ZNF367: variants seen among roughly 807,000 people sequenced by gnomAD.
ZNF367 encodes the protein C2H2 zinc finger protein ZFF29.
A neutral mutation model predicts 31.8 loss-of-function variants in ZNF367; 11 were observed. That is an observed-to-expected ratio of 0.35 (90% CI 0.22 to 0.57). The LOEUF (loss-of-function observed/expected upper bound fraction) is 0.57. Ranked by LOEUF, ZNF367 falls within the 20% of genes least tolerant of loss-of-function variation. ZNF367 has a pLI of 0.85. For synonymous variants in ZNF367, 199 were observed against 202.4 expected, an observed-to-expected ratio of 0.98 and a Z score of 0.14; for missense variants, 353 against 484.1, an observed-to-expected ratio of 0.73 and a Z score of 2.54.
intron 1 of ZNF367, chr9:96,407,210 G>C: frequency 1.3e-6 from 1 of 744,074 alleles, no homozygotes; most frequent in Non-Finnish European, 2.4e-6. Flanking sequence ...TGGGCTTGTG[G>C]GTCTTTGAGA....
Position 96,417,563 on chromosome 9 carries a change from G to C in ZNF367, c.420+50C>G. 1 of 347,824 alleles carries C rather than the reference G, an allele frequency of 2.9e-6. No individual in the cohort carries two copies. Among genetic ancestry groups the C allele is most frequent in the Non-Finnish European group, 5.0e-6 (1 of 199,528 alleles). 21.5% of individuals were successfully genotyped at this position (347,824 alleles called of 1,614,324 possible). ...CCGCCCCGCCCGCCGCACCGTTAAC[G>C]GGCCCCGGCTGCCCCACGTCCCGCC... On this transcript the variant is annotated intron_variant, in intron 1 of 4. Transcript: ENST00000375256. This position sits in a 1 kb window ranked among gnomAD's most constrained non-coding sequence, Gnocchi z 5.0.
chr9:96,414,650 G>A (rs1479952378), intron 1 of ZNF367, among the ~76,000 whole-genome samples: 1 of 152,052 alleles, frequency 6.6e-6, no homozygotes, highest in Non-Finnish European at 1.5e-5. Context: ...GGTAATTTTT[G>A]TATTTTTAGT....
chr9:96,418,075 C>G lies in ZNF367; in HGVS notation c.-43G>C. The G allele has an allele frequency of 7.5e-7, 1 of 1,338,560 alleles. No homozygotes were observed. Among genetic ancestry groups the G allele is most frequent in the Non-Finnish European group, 9.5e-7 (1 of 1,048,700 alleles). The allele number at this position is 1,338,560 out of a possible 1,614,324, so 82.9% of individuals were successfully genotyped here. ...AGCTCCGGCGGCCCCGGGCCGCACT[C>G]CTGAGCACCGCTCTGCCCCTCACTC... On this transcript the variant is annotated 5_prime_UTR_variant, in exon 1 of 5. Transcript: ENST00000375256.
intron 4 of ZNF367, among the ~76,000 whole-genome samples, chr9:96,392,060 G>A (rs185879421): frequency 1.4e-4 from 22 of 152,258 alleles, no homozygotes; most frequent in Middle Eastern, 3.4e-3. Context: ...TAATTGGCAC[G>A]TAGCTAAGGC....
At chr9:96,401,620 G>A (rs549626262) in intron 1 of ZNF367, among the ~76,000 whole-genome samples, 1 of 140,730 alleles carries the variant, frequency 7.1e-6, no homozygotes, top group East Asian at 2.1e-4. Context: ...TCGCACCATT[G>A]CACTCCAGCC....
chr9:96,415,116 A>T (rs1006899803), intron 1 of ZNF367, among the ~76,000 whole-genome samples: 1 of 147,398 alleles, frequency 6.8e-6, no homozygotes, highest in Non-Finnish European at 1.5e-5. Flanking sequence ...GTGCAGTGGC[A>T]CGATCTCGGC....
At chr9:96,393,753 C>T (rs748111771) in intron 3 of ZNF367, among the ~76,000 whole-genome samples, 21 of 152,156 alleles carry the variant, frequency 1.4e-4, no homozygotes, top group Non-Finnish European at 2.6e-4. Context: ...ATCGCTTGAA[C>T]CCAGGAGGCG....
In ZNF367 at chr9:96,400,552, C is replaced by CA. The variant is rs1236136690; in HGVS notation, c.421-2239dup. On this transcript the variant is annotated intron_variant, in intron 1 of 4. Coordinates refer to ENST00000375256, the MANE Select transcript of ZNF367 (RefSeq NM_153695.4). ...TGAAACATACAATAACTAAAACAAA[C>CA]AAAAAAAAAACTTCACTAGAGGATT... Among the ~76,000 whole-genome samples, 634 of 146,356 alleles carry CA rather than the reference C, an allele frequency of 4.3e-3. 13 individuals carry two copies. Among genetic ancestry groups the CA allele is most frequent in the Admixed American group, 0.023 (344 of 14,700 alleles).
intron 1 of ZNF367, among the ~76,000 whole-genome samples, chr9:96,404,720 A>C (rs187855239): frequency 8.3e-4 from 127 of 152,266 alleles, no homozygotes; most frequent in African/African-American, 2.8e-3. Context: ...GGATTCTTAG[A>C]TATGGCACCA....
intron 1 of ZNF367, among the ~76,000 whole-genome samples, chr9:96,406,950 C>T (rs949561990): frequency 1.4e-5 from 2 of 138,744 alleles, no homozygotes; most frequent in East Asian, 2.1e-4. Flanking sequence ...TGCAGTCAGC[C>T]GAGATCGCAC....
rs1176452343 is a variant in ZNF367 at position 96,417,340 on chromosome 9, T to C, written c.420+273A>G. Among the ~76,000 whole-genome samples the C allele has an allele frequency of 6.6e-6, 1 of 152,052 alleles. No homozygotes were observed. The highest frequency in any genetic ancestry group is 6.6e-5 in the Admixed American group (1 of 15,264). Reference sequence around the variant, plus strand: ...CCCGCCGGGAGGATGTCAGTGGCCGTTGACCCGGCCTCCCCAGCGACCCCG... The same window carrying C: ...CCCGCCGGGAGGATGTCAGTGGCCGCTGACCCGGCCTCCCCAGCGACCCCG... On this transcript the variant is annotated intron_variant, in intron 1 of 4. Transcript: ENST00000375256. The surrounding 1 kb of genome is among the most constrained non-coding windows in gnomAD (Gnocchi z 5.0).
In ZNF367 at chr9:96,417,766, G is replaced by A. The variant is rs1473045693; in HGVS notation, c.267C>T (p.Ala89=). ...CTGCAGGCAGGGCGGCCGAGGCGGC[G>A]GCCCCCGCGGCCCCAGGGCTGAGCG... ...NVTLSPGAAG[A]AASAALPAAA... Residue 89 remains alanine, a synonymous_variant, in exon 1 of 5, where the codon GCC becomes GCT. Transcript: ENST00000375256. The surrounding 1 kb of genome is among the most constrained non-coding windows in gnomAD (Gnocchi z 5.0). The A allele has an allele frequency of 2.4e-6, 3 of 1,239,160 alleles. No homozygotes were observed. Among genetic ancestry groups the A allele is most frequent in the Admixed American group, 4.2e-5 (1 of 23,750 alleles). 76.8% of individuals were successfully genotyped at this position (1,239,160 alleles called of 1,614,324 possible).
chr9:96,407,224 G>A (rs762872199), intron 1 of ZNF367: 2 of 871,924 alleles, frequency 2.3e-6, no homozygotes, highest in Non-Finnish European at 3.7e-6. Context: ...TTTGAGACCC[G>A]AAAATTGAGA....
Position 96,417,582 on chromosome 9 carries a change from T to TCCCG in ZNF367, c.420+27_420+30dup, listed in dbSNP as rs746476113. ...GTTAACGGGCCCCGGCTGCCCCACG[T>TCCCG]CCCGCCCGCCCGCCCGCCCGCGCCG... On this transcript the variant is annotated intron_variant, in intron 1 of 4. Coordinates refer to ENST00000375256, the MANE Select transcript of ZNF367 (RefSeq NM_153695.4). The surrounding 1 kb of genome is among the most constrained non-coding windows in gnomAD (Gnocchi z 5.0). 1.4e-4 allele frequency: 57 copies of TCCCG among 417,918 alleles called. No individual in the cohort carries two copies. The Middle Eastern group carries it at 2.8e-3, about 20-fold the overall frequency. The allele number at this position is 417,918 out of a possible 1,614,324, so 25.9% of individuals were successfully genotyped here.
In ZNF367 at chr9:96,388,413, G is replaced by C. The variant is rs1229499952; in HGVS notation, c.877C>G (p.Leu293Val). 2 of 1,613,892 alleles carry C rather than the reference G, an allele frequency of 1.2e-6. No individual in the cohort carries two copies. The highest frequency in any genetic ancestry group is 2.7e-5 in the African/African-American group (2 of 74,936). The stretch of plus-strand genomic sequence containing the variant: ...TGCTCCTGATCAGCCTTCTGAACCA[G>C]CTTGCCTTTCAAAGTGGGGGTGCGC... ...EQRTPTLKGK[L>V]VQKADQEQQD... Residue 293 changes from leucine to valine, a missense_variant, in exon 5 of 5, where the codon CTG (leucine) becomes GTG (valine). Transcript: ENST00000375256.
rs1173197303 is a variant in ZNF367 at position 96,386,540 on chromosome 9, C to G, written c.*1697G>C. On this transcript the variant is annotated 3_prime_UTR_variant, in exon 5 of 5. Coordinates refer to ENST00000375256, the MANE Select transcript of ZNF367 (RefSeq NM_153695.4). ...CTTATAAGTGCTCCAAATTAAAATT[C>G]TATATACCACATTACAAAAAAATTC... 6.6e-6 allele frequency: 1 copy of G among 152,016 alleles called. No individual in the cohort carries two copies. The allele number at this position is 152,016 out of a possible 1,614,324, so 9.4% of individuals were successfully genotyped here. A position where few individuals can be genotyped will look rare whatever the true frequency, so the allele number is the denominator to read the frequency against.
chr9:96,418,335 G>A lies in ZNF367; in HGVS notation c.-303C>T, dbSNP rs138676684. On this transcript the variant is annotated 5_prime_UTR_variant, in exon 1 of 5. Transcript: ENST00000375256. ...GTGACAGGAAAGCAGGACGCGCGGCGCTGAGCCCCCAAAAATAACAACCTG... is the reference window on the plus strand; with the variant it reads ...GTGACAGGAAAGCAGGACGCGCGGCACTGAGCCCCCAAAAATAACAACCTG... The A allele has an allele frequency of 4.6e-3, 1,684 of 369,416 alleles. 29 individuals carry two copies. Among genetic ancestry groups the A allele is most frequent in the African/African-American group, 0.031 (1,468 of 48,024 alleles). The allele number at this position is 369,416 out of a possible 1,614,324, so 22.9% of individuals were successfully genotyped here.
chr9:96,396,005 T>C (rs571688952), intron 2 of ZNF367, among the ~76,000 whole-genome samples: 1 of 152,222 alleles, frequency 6.6e-6, no homozygotes, highest in Non-Finnish European at 1.5e-5. Flanking sequence ...GTTGTGATAG[T>C]TGAATACAAG....
intron 1 of ZNF367, among the ~76,000 whole-genome samples, chr9:96,415,179 C>G (rs528493756): frequency 5.9e-4 from 89 of 151,356 alleles, no homozygotes; most frequent in African/African-American, 2.1e-3. Flanking sequence ...CTCAGCCTCC[C>G]GAGCAGGTGG....
Sources: gnomAD v4.1 joint callset for allele counts (sites outside exome capture counted in the v4.1 genomes callset) on GRCh38, gnomAD v4.1.1 for gene constraint, Gnocchi (gnomAD v3.1) non-coding constraint, MANE v1.5 for transcripts, NCBI Gene and HGNC (gene_info 2026-07-23, HGNC 2026-07-21) for gene names.